The following L3MBTL4 variants were observed in gnomAD, a reference collection of about 807,000 sequenced individuals.
L3MBTL4 encodes lethal(3)malignant brain tumor-like protein 4.
A neutral mutation model predicts 84.5 loss-of-function variants in L3MBTL4; 70 were observed. The observed-to-expected ratio is 0.83, with a 90% confidence interval of 0.68 to 1.01. The LOEUF (loss-of-function observed/expected upper bound fraction) is 1.01, where lower values mean the gene tolerates loss of function less well. L3MBTL4 is among the 50% of genes least tolerant of loss of function. L3MBTL4 has a pLI of 0.00. For synonymous variants in L3MBTL4, 274 were observed against 259.8 expected, an observed-to-expected ratio of 1.05 and a Z score of -0.52; for missense variants, 715 against 754.8, an observed-to-expected ratio of 0.95 and a Z score of 0.62.
intron 16 of L3MBTL4, among the ~76,000 whole-genome samples, chr18:6,003,442 T>C (rs2054319763): frequency 6.6e-6 from 1 of 151,922 alleles, no homozygotes; most frequent in African/African-American, 2.4e-5. Flanking sequence ...AAATAGACTA[T>C]TCTCAAATAA....
intron 1 of L3MBTL4, among the ~76,000 whole-genome samples, chr18:6,389,802 A>G (rs894666236): frequency 3.9e-5 from 6 of 152,204 alleles, no homozygotes; most frequent in African/African-American, 1.4e-4. Context: ...TTATAAAACA[A>G]TTACTACTAC....
Position 6,313,663 on chromosome 18 carries a change from G to A in L3MBTL4, c.-90-1607C>T, listed in dbSNP as rs187898006. 3.9e-3 allele frequency among the ~76,000 whole-genome samples: 600 copies of A among 152,220 alleles called. 1 individual carries two copies. The highest frequency in any genetic ancestry group is 6.8e-3 in the Non-Finnish European group (465 of 68,020). ...CTGCCAAAGCTGGCCTGACTTTCAC[G>A]ACAAATAATACCCCATGACTTGTCA... On this transcript the variant is annotated intron_variant, in intron 1 of 18. Coordinates refer to ENST00000317931, the MANE Select transcript of L3MBTL4 (RefSeq NM_001330559.2).
At chr18:6,078,781 T>C (rs760699580) in intron 16 of L3MBTL4, among the ~76,000 whole-genome samples, 12 of 152,150 alleles carry the variant, frequency 7.9e-5, no homozygotes, top group Admixed American at 3.9e-4. Flanking sequence ...CTATTATTAT[T>C]ACATTGTAAT....
At chr18:6,093,185 T>C (rs1031791045) in intron 15 of L3MBTL4, among the ~76,000 whole-genome samples, 170 bp downstream of exon 15, 2 of 152,186 alleles carry the variant, frequency 1.3e-5, no homozygotes, top group Non-Finnish European at 2.9e-5. Context: ...ATTTTTTAAA[T>C]GAAGATCAAG....
intron 16 of L3MBTL4, among the ~76,000 whole-genome samples, chr18:6,012,038 A>C (rs1301934002): frequency 6.6e-6 from 1 of 152,226 alleles, no homozygotes; most frequent in Non-Finnish European, 1.5e-5. Context: ...TTCCTTAAAA[A>C]TAAAATCTGA....
intron 1 of L3MBTL4, among the ~76,000 whole-genome samples, chr18:6,370,910 T>C (rs2054134623): frequency 6.6e-6 from 1 of 152,198 alleles, no homozygotes; most frequent in Non-Finnish European, 1.5e-5. Flanking sequence ...AGCGCTTATC[T>C]TTCCTCACTT....
chr18:6,312,359 T>C (rs1259894101), intron 1 of L3MBTL4, among the ~76,000 whole-genome samples: 1 of 152,212 alleles, frequency 6.6e-6, no homozygotes, highest in Non-Finnish European at 1.5e-5. Flanking sequence ...ACTTCTTTAT[T>C]GATATTTCCA....
At chr18:6,029,963 T>A in intron 16 of L3MBTL4, 2 of 985,402 alleles carry the variant, frequency 2.0e-6, no homozygotes, top group Non-Finnish European at 2.4e-6. Flanking sequence ...AGAAGACACT[T>A]TGAAGCCTCC....
intron 5 of L3MBTL4, among the ~76,000 whole-genome samples, chr18:6,261,505 G>GCCCACT (rs2048398508): frequency 6.6e-6 from 1 of 152,136 alleles, no homozygotes; most frequent in Non-Finnish European, 1.5e-5. Flanking sequence ...TGCCAAGGGG[G>GCCCACT]CCCACTCCTG....
chr18:6,253,904 T>C (rs1057185490), intron 5 of L3MBTL4, among the ~76,000 whole-genome samples: 5 of 152,236 alleles, frequency 3.3e-5, no homozygotes, highest in Non-Finnish European at 7.3e-5. Context: ...TGGCTTTCTC[T>C]TGTTTTAATC....
At chr18:5,972,280 A>G (rs2052675082) in intron 16 of L3MBTL4, among the ~76,000 whole-genome samples, 4 of 152,208 alleles carry the variant, frequency 2.6e-5, no homozygotes, top group Admixed American at 2.0e-4. Flanking sequence ...ACATCATGAG[A>G]CAGAAAGTTT....
At position 6,224,109 on chromosome 18, in the gene L3MBTL4, A is replaced by AT. The variant is rs1277816397; in HGVS notation, c.785-8275_785-8274insA. On this transcript the variant is annotated intron_variant, in intron 10 of 18. Transcript: ENST00000317931. The stretch of plus-strand genomic sequence containing the variant: ...GTACGAATATAATGTTATTTATGCA[A>AT]AAAATAAAAATAAAAACAAAACTAA... Among the ~76,000 whole-genome samples, 4 of 152,210 alleles carry AT rather than the reference A, an allele frequency of 2.6e-5. No individual in the cohort carries two copies. The East Asian group carries it at 7.7e-4, about 29-fold the overall frequency.
At chr18:6,308,654 A>T (rs1181460066) in intron 3 of L3MBTL4, among the ~76,000 whole-genome samples, 1 of 152,226 alleles carries the variant, frequency 6.6e-6, no homozygotes, top group East Asian at 1.9e-4. Context: ...ATTAAGTGCA[A>T]AAAAAGCAAG....
At chr18:6,108,558 A>G (rs1349001138) in intron 14 of L3MBTL4, among the ~76,000 whole-genome samples, 1 of 152,144 alleles carries the variant, frequency 6.6e-6, no homozygotes, top group Non-Finnish European at 1.5e-5. Context: ...ATGATTTTAT[A>G]GAATGGGATT....
chr18:6,296,652 G>A (rs1347029969), intron 4 of L3MBTL4, among the ~76,000 whole-genome samples: 1 of 152,150 alleles, frequency 6.6e-6, no homozygotes, highest in Non-Finnish European at 1.5e-5. Flanking sequence ...GGTCCTGGTG[G>A]CAGGTGACAA....
intron 16 of L3MBTL4, among the ~76,000 whole-genome samples, chr18:6,047,218 C>T (rs1276728477): frequency 1.3e-5 from 2 of 152,132 alleles, no homozygotes; most frequent in Non-Finnish European, 2.9e-5. Context: ...AAACCTTGAG[C>T]AGACCAACAT....
At chr18:6,170,513 T>C (rs1162201866) in intron 13 of L3MBTL4, among the ~76,000 whole-genome samples, 2 of 152,034 alleles carry the variant, frequency 1.3e-5, no homozygotes, top group Non-Finnish European at 2.9e-5. Context: ...AGAGCAAGTT[T>C]TTGGCTTGGG....
Position 6,392,937 on chromosome 18 carries a change from A to C in L3MBTL4, c.-91+21864T>G, listed in dbSNP as rs147245083. Among the ~76,000 whole-genome samples the C allele has an allele frequency of 2.7e-3, 405 of 152,264 alleles. 3 individuals carry two copies. Among genetic ancestry groups the C allele is most frequent in the African/African-American group, 9.3e-3 (387 of 41,556 alleles). ...AGACTCAGAAGTGGGGAGAGTAGGA[A>C]GGAAATGAGAGACAAAAAAAACTAC... On this transcript the variant is annotated intron_variant, in intron 1 of 18. Transcript: ENST00000317931.
intron 16 of L3MBTL4, chr18:6,030,472 A>G: frequency 2.0e-6 from 2 of 976,256 alleles, no homozygotes; most frequent in Non-Finnish European, 2.4e-6. Flanking sequence ...AAACAAGTGA[A>G]GTATTAGGTT....
Sources: gnomAD v4.1 joint callset for allele counts (sites outside exome capture counted in the v4.1 genomes callset) on GRCh38, gnomAD v4.1.1 for gene constraint, MANE v1.5 for transcripts, NCBI Gene and HGNC (gene_info 2026-07-23, HGNC 2026-07-21) for gene names.